SYCP2L: variants seen among roughly 807,000 people sequenced by gnomAD.
SYCP2L encodes the protein synaptonemal complex protein 2-like.
Under a neutral mutation model 125.8 loss-of-function variants are expected in SYCP2L, and 98 were observed. The ratio of observed to expected loss-of-function variants is 0.78; its 90% CI spans 0.66 to 0.92. SYCP2L has a LOEUF of 0.92. Ranked by LOEUF, SYCP2L falls within the 40% of genes least tolerant of loss-of-function variation. The probability of loss-of-function intolerance (pLI) is 0.00; values close to 1 mark genes in which losing one functional copy is unlikely to be tolerated. For missense variants in SYCP2L, 842 were observed against 936.4 expected (o/e 0.90, Z 1.32); for synonymous variants, 317 against 325.4 (o/e 0.97, Z 0.28).
intron 21 of SYCP2L, among the ~76,000 whole-genome samples, chr6:10,941,967 T>G (rs1581837073): frequency 6.6e-6 from 1 of 151,780 alleles, no homozygotes; most frequent in East Asian, 1.9e-4. Flanking sequence ...TGGAATACTA[T>G]GCAGCCATAA....
chr6:10,897,974 T>A, intron 4 of SYCP2L, 37 bp from the exon 5 acceptor site: 1 of 1,303,006 alleles, frequency 7.7e-7, no homozygotes, highest in Non-Finnish European at 1.1e-6. Context: ...AGGCAGCATT[T>A]AGTCTTATGT....
At chr6:10,918,243 T>A (rs1428805988) in intron 14 of SYCP2L, among the ~76,000 whole-genome samples, 1 of 151,828 alleles carries the variant, frequency 6.6e-6, no homozygotes, top group Non-Finnish European at 1.5e-5. Flanking sequence ...GATGACAATG[T>A]GCCTCGCCAA....
In SYCP2L at chr6:10,954,731, T is replaced by C. The variant is rs1369384016; in HGVS notation, c.1955-385T>C. On this transcript the variant is annotated intron_variant, in intron 23 of 29. Transcript: ENST00000283141. The surrounding 1 kb of genome is among the most constrained non-coding windows in gnomAD (Gnocchi z 4.8). ...CACCAGCAGATGGCGCGCTCCGGGG[T>C]GTGAGCTGAAGCACTTCCAAAGGCC... 6.6e-6 allele frequency among the ~76,000 whole-genome samples: 1 copy of C among 152,066 alleles called. No individual in the cohort carries two copies. Among genetic ancestry groups the C allele is most frequent in the East Asian group, 1.9e-4 (1 of 5,182 alleles).
chr6:10,905,769 A>T (rs1332516983), intron 8 of SYCP2L, among the ~76,000 whole-genome samples: 1 of 152,212 alleles, frequency 6.6e-6, no homozygotes, highest in Non-Finnish European at 1.5e-5. Context: ...AATTCACTTT[A>T]CAAGAGGGAA....
In SYCP2L at chr6:10,912,875, A is replaced by C; in HGVS notation, c.1020A>C (p.Leu340=). 6.2e-7 allele frequency: 1 copy of C among 1,613,676 alleles called. No individual in the cohort carries two copies. The highest frequency in any genetic ancestry group is 8.5e-7 in the Non-Finnish European group (1 of 1,179,706). The change falls in exon 14 of 30, where the codon CTA becomes CTC. Residue 340 remains leucine, a synonymous_variant. Transcript: ENST00000283141. The surrounding 1 kb of genome is among the most constrained non-coding windows in gnomAD (Gnocchi z 4.1). ...TTATTTATTTTCCCAAGAATACTCT[A>C]TGGGACTCAGTGACACTTCCGAAGG... ...TFYIDNAENT[L]WDSVTLPKEA... is the part of the protein sequence containing the mutation.
At chr6:10,937,067 A>G (rs867331264) in intron 21 of SYCP2L, among the ~76,000 whole-genome samples, 9 of 152,250 alleles carry the variant, frequency 5.9e-5, no homozygotes, top group African/African-American at 2.2e-4. Context: ...AGTGGCTTGA[A>G]TAATACTGTA....
chr6:10,934,531 T>C (rs1781057827), intron 20 of SYCP2L, among the ~76,000 whole-genome samples: 1 of 152,148 alleles, frequency 6.6e-6, no homozygotes, highest in South Asian at 2.1e-4. Flanking sequence ...TACAAAAAAA[T>C]TAGCTGGGTG....
At chr6:10,907,046 CAATTT>C (rs1340041871) in intron 9 of SYCP2L, among the ~76,000 whole-genome samples, 1 of 151,492 alleles carries the variant, frequency 6.6e-6, no homozygotes, top group Non-Finnish European at 1.5e-5. Context: ...CTTAAATACT[CAATTT>C]AAATGATTTT....
chr6:10,922,309 AG>A (rs982868401), intron 14 of SYCP2L, among the ~76,000 whole-genome samples: 3 of 152,162 alleles, frequency 2.0e-5, no homozygotes, highest in Admixed American at 6.6e-5. Flanking sequence ...ATGATTGTCT[AG>A]TAAATTCCGT....
intron 28 of SYCP2L, among the ~76,000 whole-genome samples, chr6:10,963,038 T>C (rs1027968252): frequency 1.3e-5 from 2 of 152,210 alleles, no homozygotes; most frequent in African/African-American, 4.8e-5. Context: ...CCCCTAGTCT[T>C]CTGAAACCTG....
intron 4 of SYCP2L, among the ~76,000 whole-genome samples, chr6:10,896,164 A>G (rs1780254865): frequency 1.3e-5 from 2 of 152,150 alleles, no homozygotes; most frequent in African/African-American, 4.8e-5. Flanking sequence ...AACAAGCCCT[A>G]CAGAAAGGAA....
At chr6:10,932,785 G>C (rs1781019746) in intron 20 of SYCP2L, among the ~76,000 whole-genome samples, 1 of 152,028 alleles carries the variant, frequency 6.6e-6, no homozygotes, top group Admixed American at 6.6e-5. Flanking sequence ...ACGGAGTCTT[G>C]CTCTGTCACC....
chr6:10,891,657 G>GTGTT, intron 2 of SYCP2L, 76 bp downstream of exon 2: 1 of 758,440 alleles, frequency 1.3e-6, no homozygotes, highest in Non-Finnish European at 2.1e-6. Flanking sequence ...GTGTGTGTGT[G>GTGTT]TGTGTGTATG....
chr6:10,905,424 CTGGGAATACAGGCA>C, intron 8 of SYCP2L, among the ~76,000 whole-genome samples: 1 of 151,990 alleles, frequency 6.6e-6, no homozygotes, highest in Admixed American at 6.5e-5. Context: ...TCCCGAGTAG[CTGGGAATACAGGCA>C]TGTGCTGCCA....
chr6:10,958,273 C>A (rs1781538775), intron 25 of SYCP2L, among the ~76,000 whole-genome samples: 1 of 151,980 alleles, frequency 6.6e-6, no homozygotes. Context: ...GGAAGCATGG[C>A]ACTGGCATCT....
At position 10,898,098 on chromosome 6, in the gene SYCP2L, T is replaced by G; in HGVS notation, c.424T>G (p.Phe142Val). 2 of 1,613,782 alleles carry G rather than the reference T, an allele frequency of 1.2e-6. No homozygotes were observed. The highest frequency in any genetic ancestry group is 4.5e-5 in the East Asian group (2 of 44,882). The change falls in exon 5 of 30, where the codon TTC becomes GTC. Residue 142 changes from phenylalanine (F) to valine (V), a missense_variant. Transcript: ENST00000283141. ...DTSLICVIED[F>V]FDTALIISRS... ...GTCGCTGATTTGTGTTATAGAAGATTTCTTTGACACTGCATTGGTAAGGAT... is the reference window on the plus strand; with the variant it reads ...GTCGCTGATTTGTGTTATAGAAGATGTCTTTGACACTGCATTGGTAAGGAT...
intron 14 of SYCP2L, among the ~76,000 whole-genome samples, chr6:10,918,955 A>G (rs1780739821): frequency 1.3e-5 from 2 of 152,114 alleles, no homozygotes; most frequent in South Asian, 4.1e-4. Context: ...CATCTATTTC[A>G]TTGAATAGTT....
intron 20 of SYCP2L, 48 bp from the exon 21 acceptor site, chr6:10,935,010 T>A (rs908653573): frequency 6.8e-7 from 1 of 1,474,218 alleles, no homozygotes; most frequent in Middle Eastern, 1.8e-4. Flanking sequence ...TTTGATAACT[T>A]GTTTTTAATT....
Position 10,954,928 on chromosome 6 carries a change from T to C in SYCP2L, c.1955-188T>C, listed in dbSNP as rs1390445057. ...CTCATCAAAGGGATGCCTGTTCCCA[T>C]GTTCAGGTATCAGTAGACATCGTGC... is the stretch of plus-strand genomic sequence containing the variant. On this transcript the variant is annotated intron_variant, in intron 23 of 29. Transcript: ENST00000283141. The surrounding 1 kb of genome is among the most constrained non-coding windows in gnomAD (Gnocchi z 4.8). 6.6e-6 allele frequency among the ~76,000 whole-genome samples: 1 copy of C among 152,200 alleles called. No individual in the cohort carries two copies. The highest frequency in any genetic ancestry group is 1.5e-5 in the Non-Finnish European group (1 of 68,040).
Sources: gnomAD v4.1 joint callset for allele counts (sites outside exome capture counted in the v4.1 genomes callset) on GRCh38, gnomAD v4.1.1 for gene constraint, Gnocchi (gnomAD v3.1) non-coding constraint, MANE v1.5 for transcripts, NCBI Gene and HGNC (gene_info 2026-07-23, HGNC 2026-07-21) for gene names.